The following SSPN variants were observed in gnomAD, a reference collection of about 807,000 sequenced individuals.
SSPN encodes the protein K-ras oncogene-associated protein.
A neutral mutation model predicts 19.1 loss-of-function variants in SSPN; 15 were observed. The observed-to-expected ratio is 0.78, with a 90% CI of 0.52 to 1.21. SSPN has a LOEUF of 1.21. Among genes scored for constraint, SSPN ranks in the 50% most tolerant of loss-of-function variants. The probability of loss-of-function intolerance (pLI) is 0.00; values close to 1 mark genes in which losing one functional copy is unlikely to be tolerated. For missense variants in SSPN, 291 were observed against 314.0 expected, an observed-to-expected ratio of 0.93 and a Z score of 0.55; for synonymous variants, 147 against 140.3, an observed-to-expected ratio of 1.05 and a Z score of -0.34.
At chr12:26,194,578 G>A (rs1944809698), upstream of SSPN, among the ~76,000 whole-genome samples, 1 of 152,200 alleles carries the variant, frequency 6.6e-6, no homozygotes, top group African/African-American at 2.4e-5. Flanking sequence ...TGGAGACGGG[G>A]TTTCACCATG....
chr12:26,210,907 T>C (rs1318360075), intron 1 of SSPN, among the ~76,000 whole-genome samples: 2 of 152,198 alleles, frequency 1.3e-5, no homozygotes, highest in Non-Finnish European at 2.9e-5. Flanking sequence ...TGCAAGTTTC[T>C]ATAAAATAGA....
intron 1 of SSPN, among the ~76,000 whole-genome samples, chr12:26,143,462 G>A (rs866553695): frequency 1.3e-5 from 2 of 152,080 alleles, no homozygotes; most frequent in Non-Finnish European, 2.9e-5. Flanking sequence ...AGTAACTTGC[G>A]CAAGATTACA....
rs375302101 is a variant in SSPN at position 26,207,316 on chromosome 12, CATA to C, written c.279+11370_279+11372del. ...TTGCATAATAACATAGAAAATAATGCATAATAACATAGAAAAAAATGCCCACTT... is the reference window on the plus strand; with the variant it reads ...TTGCATAATAACATAGAAAATAATGCATAACATAGAAAAAAATGCCCACTT... On this transcript the variant is annotated intron_variant, in intron 1 of 2. Transcript: ENST00000242729. 3.5e-4 allele frequency among the ~76,000 whole-genome samples: 53 copies of C among 152,124 alleles called. No homozygotes were observed. The East Asian group carries it at 7.7e-3, about 22-fold the overall frequency.
chr12:26,193,731 G>A (rs1591871957), upstream of SSPN, among the ~76,000 whole-genome samples: 1 of 152,286 alleles, frequency 6.6e-6, no homozygotes, highest in South Asian at 2.1e-4. Context: ...CTGTTTTTCT[G>A]GTAAGAGTGA....
chr12:26,231,176 T>C lies in SSPN; in HGVS notation c.*100T>C. On this transcript the variant is annotated 3_prime_UTR_variant, in exon 3 of 3. Transcript: ENST00000242729. The stretch of plus-strand genomic sequence containing the variant: ...ACAAAGAAAGGAAAAAAATTGACAA[T>C]AAAAGTCACTCTTCTAATTGAATAT... 1 of 1,371,178 alleles carries C rather than the reference T, an allele frequency of 7.3e-7. No homozygotes were observed. Among genetic ancestry groups the C allele is most frequent in the South Asian group, 1.7e-5 (1 of 58,470 alleles). 84.9% of individuals were successfully genotyped at this position (1,371,178 alleles called of 1,614,324 possible).
Position 26,232,212 on chromosome 12 carries a change from T to A in SSPN, c.*1136T>A. ...CTGTATTTGATACATAATCCTATTATTAATTCGTATGCTTAGTCAACCTAG... is the reference window on the plus strand; with the variant it reads ...CTGTATTTGATACATAATCCTATTAATAATTCGTATGCTTAGTCAACCTAG... On this transcript the variant is annotated 3_prime_UTR_variant, in exon 3 of 3. Transcript: ENST00000242729. 1 of 985,468 alleles carries A rather than the reference T, an allele frequency of 1.0e-6. No individual in the cohort carries two copies. The highest frequency in any genetic ancestry group is 1.2e-6 in the Non-Finnish European group (1 of 829,924). The allele number at this position is 985,468 out of a possible 1,614,324, so 61.0% of individuals were successfully genotyped here.
intron 1 of SSPN, among the ~76,000 whole-genome samples, chr12:26,198,697 T>G (rs548561247): frequency 6.6e-6 from 1 of 152,216 alleles, no homozygotes; most frequent in Non-Finnish European, 1.5e-5. Flanking sequence ...CGTCTCACCT[T>G]TCTCTGTTCT....
intron 1 of SSPN, chr12:26,122,207 G>T: frequency 7.3e-7 from 1 of 1,378,826 alleles, no homozygotes; most frequent in Non-Finnish European, 9.4e-7. Context: ...GCGCCACCTC[G>T]TGCGGCAGGA....
At chr12:26,203,022 C>A (rs929091048) in intron 1 of SSPN, among the ~76,000 whole-genome samples, 2 of 152,130 alleles carry the variant, frequency 1.3e-5, no homozygotes, top group Non-Finnish European at 2.9e-5. Context: ...AGAGAGAGCA[C>A]TGGGGAAACT....
intron 1 of SSPN, among the ~76,000 whole-genome samples, chr12:26,201,048 A>ATATAT (rs1565685558): frequency 0.028 from 1,761 of 63,452 alleles, 21 homozygotes; most frequent in Admixed American, 0.039. Flanking sequence ...TATATATATT[A>ATATAT]TATATATATA....
At chr12:26,155,928 C>A (rs982294520) in intron 1 of SSPN, among the ~76,000 whole-genome samples, 3 of 152,090 alleles carry the variant, frequency 2.0e-5, no homozygotes, top group Non-Finnish European at 4.4e-5. Context: ...CTCTCTCAGA[C>A]AAAAGCTCCT....
intron 1 of SSPN, chr12:26,122,637 G>T: frequency 7.7e-7 from 1 of 1,292,000 alleles, no homozygotes; most frequent in Non-Finnish European, 9.8e-7. Flanking sequence ...GCCGCCCCCC[G>T]GGCCGCCGCC....
chr12:26,150,480 A>G (rs1365603636), intron 1 of SSPN, among the ~76,000 whole-genome samples: 1 of 152,146 alleles, frequency 6.6e-6, no homozygotes, highest in Non-Finnish European at 1.5e-5. Flanking sequence ...GAATGACTAC[A>G]TTGTTTCTTT....
chr12:26,204,596 G>T (rs1944914825), intron 1 of SSPN, among the ~76,000 whole-genome samples: 1 of 152,100 alleles, frequency 6.6e-6, no homozygotes, highest in Non-Finnish European at 1.5e-5. Flanking sequence ...GCTGTCCTGT[G>T]GGGGGTGGTG....
intron 1 of SSPN, chr12:26,122,505 A>G (rs1944319047): frequency 7.6e-7 from 1 of 1,307,410 alleles, no homozygotes; most frequent in Non-Finnish European, 9.8e-7. Flanking sequence ...GGGCTGCGGG[A>G]AGGGCGCGCC....
chr12:26,127,217 A>AT (rs1944371987), intron 1 of SSPN, among the ~76,000 whole-genome samples: 1 of 152,220 alleles, frequency 6.6e-6, no homozygotes, highest in African/African-American at 2.4e-5. Flanking sequence ...AGATCATTGC[A>AT]TTTTGGCCTC....
chr12:26,183,314 A>AT (rs906053999), intron 1 of SSPN, among the ~76,000 whole-genome samples: 1 of 151,754 alleles, frequency 6.6e-6, no homozygotes, highest in African/African-American at 2.4e-5. Flanking sequence ...GGGTTTTGCT[A>AT]TTTTTCCCAG....
At position 26,122,980 on chromosome 12, in the gene SSPN, G is replaced by C. The variant is rs752977997; in HGVS notation, c.-31+828G>C. 4 of 1,565,204 alleles carry C rather than the reference G, an allele frequency of 2.6e-6. No individual in the cohort carries two copies. The South Asian group carries it at 4.7e-5, about 18-fold the overall frequency. ...CTCAGAGGGACCTGTTGAGTCAACA[G>C]CTGCGGGGTGGGCAAGAACTGGGTG... On this transcript the variant is annotated intron_variant, in intron 1 of 2. Transcript: ENST00000538142.
chr12:26,169,140 T>C (rs1944639274), intron 1 of SSPN, among the ~76,000 whole-genome samples: 1 of 152,146 alleles, frequency 6.6e-6, no homozygotes, highest in African/African-American at 2.4e-5. Context: ...AGTGAGTATT[T>C]CTTTATTTCT....
Sources: gnomAD v4.1 joint callset for allele counts (sites outside exome capture counted in the v4.1 genomes callset) on GRCh38, gnomAD v4.1.1 for gene constraint, MANE v1.5 for transcripts, NCBI Gene and HGNC (gene_info 2026-07-23, HGNC 2026-07-21) for gene names.